Variants in RBFOX1 observed in about 807,000 individuals in gnomAD.
RBFOX1 encodes the protein RNA binding protein fox-1 homolog 1.
Under a neutral mutation model 57.7 loss-of-function variants are expected in RBFOX1, and 8 were observed. That is an observed-to-expected ratio of 0.14 (90% CI 0.08 to 0.25). The LOEUF (loss-of-function observed/expected upper bound fraction) is 0.25. RBFOX1 is among the 10% of genes least tolerant of loss of function. RBFOX1 has a pLI of 1.00. For missense variants in RBFOX1, 611 were observed against 548.5 expected (o/e 1.11, Z -1.14); for synonymous variants, 326 against 222.4 (o/e 1.47, Z -4.15).
chr16:5,790,139 C>G (rs973803012), intron 3 of RBFOX1, among the ~76,000 whole-genome samples: 1 of 152,172 alleles, frequency 6.6e-6, no homozygotes, highest in Non-Finnish European at 1.5e-5. Context: ...GAAAAGAGTG[C>G]GAGGGTCTCA....
At chr16:5,247,499 C>T (rs1158904735) in intron 1 of RBFOX1, among the ~76,000 whole-genome samples, 1 of 152,164 alleles carries the variant, frequency 6.6e-6, no homozygotes, top group East Asian at 1.9e-4. Context: ...TCCTGTGTGC[C>T]AGCTGCTGGT....
intron 3 of RBFOX1, among the ~76,000 whole-genome samples, chr16:6,969,812 C>T (rs1010750083): frequency 6.6e-6 from 1 of 152,068 alleles, no homozygotes; most frequent in Admixed American, 6.6e-5. Context: ...GTTGTGTTGC[C>T]TCATCCTCGT....
At chr16:6,033,004 G>C (rs1351997607) in intron 1 of RBFOX1, among the ~76,000 whole-genome samples, 1 of 151,544 alleles carries the variant, frequency 6.6e-6, no homozygotes, top group Non-Finnish European at 1.5e-5. Context: ...TTATTTCAAA[G>C]CTGGAGTTTG....
At chr16:6,463,987 A>AG (rs2094981480) in intron 2 of RBFOX1, among the ~76,000 whole-genome samples, 1 of 152,196 alleles carries the variant, frequency 6.6e-6, no homozygotes, top group South Asian at 2.1e-4. Flanking sequence ...TACCAGAAAG[A>AG]GGGGCTGACC....
At chr16:7,426,959 T>G (rs865782404) in intron 4 of RBFOX1, among the ~76,000 whole-genome samples, 23 of 152,202 alleles carry the variant, frequency 1.5e-4, no homozygotes, top group African/African-American at 5.3e-4. Flanking sequence ...TTCATGTCCT[T>G]TGTAGGGACA....
chr16:6,156,846 T>A (rs936737500), intron 1 of RBFOX1, among the ~76,000 whole-genome samples: 23 of 152,222 alleles, frequency 1.5e-4, no homozygotes, highest in Admixed American at 1.5e-3. Flanking sequence ...ATTTTATTTC[T>A]TATTATTTTA....
chr16:6,603,299 G>C (rs2097879279), intron 2 of RBFOX1, among the ~76,000 whole-genome samples: 1 of 152,134 alleles, frequency 6.6e-6, no homozygotes, highest in Non-Finnish European at 1.5e-5. Context: ...CAGAGCTTCT[G>C]ATTTTTTCAA....
chr16:6,416,784 A>G (rs1015226674), intron 2 of RBFOX1, among the ~76,000 whole-genome samples: 26 of 152,174 alleles, frequency 1.7e-4, no homozygotes, highest in African/African-American at 5.8e-4. Flanking sequence ...GGATACACGG[A>G]TACATCAAAC....
At chr16:5,560,518 G>T (rs1344711979) in intron 2 of RBFOX1, among the ~76,000 whole-genome samples, 1 of 152,160 alleles carries the variant, frequency 6.6e-6, no homozygotes, top group Non-Finnish European at 1.5e-5. Flanking sequence ...GGAGGGCAAG[G>T]CCCCTGGATT....
At chr16:7,704,487 A>T (rs72778525) in intron 14 of RBFOX1, among the ~76,000 whole-genome samples, 3,903 of 152,264 alleles carry the variant, frequency 0.026, 133 homozygotes, top group Admixed American at 0.095. Flanking sequence ...CAAAAAGCGT[A>T]TCTGAATGGG....
At chr16:6,907,467 C>T (rs2070325441) in intron 3 of RBFOX1, among the ~76,000 whole-genome samples, 1 of 152,170 alleles carries the variant, frequency 6.6e-6, no homozygotes. Context: ...GTTCTGAAGG[C>T]TAGAAGTGTG....
At chr16:7,104,282 A>G (rs1443958585) in intron 4 of RBFOX1, among the ~76,000 whole-genome samples, 1 of 152,048 alleles carries the variant, frequency 6.6e-6, no homozygotes, top group Non-Finnish European at 1.5e-5. Context: ...ACACCCATTC[A>G]CTGGAATTGA....
chr16:7,338,496 A>C (rs1379145979), intron 4 of RBFOX1, among the ~76,000 whole-genome samples: 1 of 152,126 alleles, frequency 6.6e-6, no homozygotes, highest in Non-Finnish European at 1.5e-5. Context: ...CCTGGTCTCA[A>C]GTAATCCTCA....
intron 4 of RBFOX1, among the ~76,000 whole-genome samples, chr16:7,141,719 C>A (rs559562419): frequency 1.3e-5 from 2 of 152,176 alleles, no homozygotes; most frequent in South Asian, 4.2e-4. Context: ...TTCTCCTTTA[C>A]CTCATCATCC....
intron 2 of RBFOX1, among the ~76,000 whole-genome samples, chr16:6,539,764 C>T (rs2096785835): frequency 7.0e-6 from 1 of 142,406 alleles, no homozygotes; most frequent in Non-Finnish European, 1.5e-5. Context: ...TGCCACTGCA[C>T]TCCAGCCTAG....
At chr16:6,855,348 A>T (rs1257334396) in intron 3 of RBFOX1, among the ~76,000 whole-genome samples, 2 of 151,972 alleles carry the variant, frequency 1.3e-5, no homozygotes, top group African/African-American at 4.8e-5. Context: ...AGTCACACAA[A>T]ACAGAAATAA....
chr16:5,848,085 C>G (rs1364810060), intron 3 of RBFOX1, among the ~76,000 whole-genome samples: 1 of 152,114 alleles, frequency 6.6e-6, no homozygotes, highest in East Asian at 1.9e-4. Context: ...CTCTGGCCAA[C>G]CCAGAGATTT....
intron 4 of RBFOX1, among the ~76,000 whole-genome samples, chr16:7,318,043 T>C (rs1223965435): frequency 6.6e-6 from 1 of 151,386 alleles, no homozygotes; most frequent in Non-Finnish European, 1.5e-5. Flanking sequence ...AAAATGGTGG[T>C]GGTGGTGATT....
chr16:7,049,271 A>G (rs984580701), intron 3 of RBFOX1, among the ~76,000 whole-genome samples: 4 of 152,058 alleles, frequency 2.6e-5, no homozygotes, highest in South Asian at 2.1e-4. Flanking sequence ...AAGTGTCAAG[A>G]GAAGAGAGGA....
Sources: allele counts gnomAD v4.1 joint callset (sites outside exome capture counted in the v4.1 genomes callset), GRCh38; gene constraint gnomAD v4.1.1; transcripts MANE v1.5; gene names NCBI Gene and HGNC (gene_info 2026-07-23, HGNC 2026-07-21).